The following GRIN2A variants were observed in gnomAD, a reference collection of about 807,000 sequenced individuals.
GRIN2A encodes the protein glutamate receptor ionotropic, NMDA 2A.
A neutral mutation model predicts 113.4 loss-of-function variants in GRIN2A; 22 were observed. That is an observed-to-expected ratio of 0.19 (90% CI 0.14 to 0.28). GRIN2A has a LOEUF of 0.28. Ranked by LOEUF, GRIN2A falls within the 10% of genes least tolerant of loss-of-function variation. GRIN2A has a pLI of 1.00. For missense variants in GRIN2A, 1,502 were observed against 1,887.0 expected (o/e 0.80, Z 3.78); for synonymous variants, 827 against 738.4 (o/e 1.12, Z -1.94).
intron 7 of GRIN2A, among the ~76,000 whole-genome samples, chr16:9,835,945 A>T (rs1223773630): frequency 6.6e-6 from 1 of 152,258 alleles, no homozygotes; most frequent in African/African-American, 2.4e-5. Flanking sequence ...CAACTTACTT[A>T]AGTAACACAA....
intron 2 of GRIN2A, among the ~76,000 whole-genome samples, chr16:10,027,116 C>G (rs2046837117): frequency 1.3e-5 from 2 of 152,206 alleles, no homozygotes; most frequent in South Asian, 4.1e-4. Flanking sequence ...GGTTTGTTGA[C>G]TGCTGTATCT....
intron 3 of GRIN2A, among the ~76,000 whole-genome samples, chr16:9,910,628 C>T (rs1400107647): frequency 6.7e-6 from 1 of 149,676 alleles, no homozygotes; most frequent in Admixed American, 6.7e-5. Context: ...ACCTCTGCCT[C>T]CCAGGTTTAA....
At chr16:9,862,494 C>T (rs2043088225) in intron 4 of GRIN2A, among the ~76,000 whole-genome samples, 1 of 152,136 alleles carries the variant, frequency 6.6e-6, no homozygotes, top group Non-Finnish European at 1.5e-5. Flanking sequence ...GAGGCTCAGC[C>T]AACAGGGGAA....
intron 2 of GRIN2A, among the ~76,000 whole-genome samples, chr16:10,140,660 T>C (rs1340250293): frequency 6.6e-6 from 1 of 152,158 alleles, no homozygotes; most frequent in African/African-American, 2.4e-5. Flanking sequence ...GATATGCACA[T>C]GACCAGCCTG....
chr16:10,136,583 C>T (rs1243980676), intron 2 of GRIN2A, among the ~76,000 whole-genome samples: 1 of 152,100 alleles, frequency 6.6e-6, no homozygotes, highest in African/African-American at 2.4e-5. Flanking sequence ...AAAAAGAAAT[C>T]ATTGCAATAT....
intron 4 of GRIN2A, among the ~76,000 whole-genome samples, chr16:9,863,803 C>T (rs2043113787): frequency 6.6e-6 from 1 of 152,180 alleles, no homozygotes; most frequent in Non-Finnish European, 1.5e-5. Context: ...CAACACAACA[C>T]AATTCTGTTT....
Position 9,946,815 on chromosome 16 carries a change from C to A in GRIN2A, c.415-8264G>T, listed in dbSNP as rs112989278. On this transcript the variant is annotated intron_variant, in intron 2 of 12. Coordinates refer to ENST00000330684, the MANE Select transcript of GRIN2A (RefSeq NM_001134407.3). Reference sequence around the variant, plus strand: ...CTGGCAGCCACCCAACCACTATATACCATCCTAAGAAGAAAGCTATCAGAC... The same window carrying A: ...CTGGCAGCCACCCAACCACTATATAACATCCTAAGAAGAAAGCTATCAGAC... Among the ~76,000 whole-genome samples, 604 of 152,264 alleles carry A rather than the reference C, an allele frequency of 4.0e-3. 5 individuals are homozygous for A. Among genetic ancestry groups the A allele is most frequent in the African/African-American group, 0.013 (540 of 41,572 alleles).
At chr16:9,772,922 CAAAAA>C (rs71400490) in intron 11 of GRIN2A, among the ~76,000 whole-genome samples, 25 of 104,982 alleles carry the variant, frequency 2.4e-4, no homozygotes, top group Admixed American at 2.2e-3. Flanking sequence ...ACTTCAATTT[CAAAAA>C]AAAAAAAAAA....
chr16:9,937,624 T>C, intron 3 of GRIN2A: 3 of 354,104 alleles, frequency 8.5e-6, no homozygotes, highest in Non-Finnish European at 1.6e-5. Flanking sequence ...GTTAGACTTA[T>C]CTGGGTTCAA....
intron 2 of GRIN2A, among the ~76,000 whole-genome samples, chr16:10,113,479 C>T (rs1008513634): frequency 4.6e-5 from 7 of 152,320 alleles, no homozygotes; most frequent in Admixed American, 3.9e-4. Context: ...GACTCACCAC[C>T]GTCCCCATAT....
chr16:9,880,242 T>C (rs966171606), intron 4 of GRIN2A, among the ~76,000 whole-genome samples: 3 of 152,210 alleles, frequency 2.0e-5, no homozygotes, highest in Non-Finnish European at 2.9e-5. Flanking sequence ...AGCTAGGGAC[T>C]GACAGTGCCT....
At chr16:9,916,948 T>G (rs1458430987) in intron 3 of GRIN2A, among the ~76,000 whole-genome samples, 1 of 152,172 alleles carries the variant, frequency 6.6e-6, no homozygotes, top group Non-Finnish European at 1.5e-5. Context: ...TTTGCAGAGG[T>G]AGCGTTGCCT....
chr16:10,026,531 C>G (rs1251192518), intron 2 of GRIN2A, among the ~76,000 whole-genome samples: 3 of 140,338 alleles, frequency 2.1e-5, no homozygotes, highest in African/African-American at 8.8e-5. Context: ...ATTTAAACTT[C>G]ATATCACTTC....
chr16:10,179,063 A>G (rs1264279844), intron 2 of GRIN2A, among the ~76,000 whole-genome samples: 1 of 151,812 alleles, frequency 6.6e-6, no homozygotes, highest in Non-Finnish European at 1.5e-5. Flanking sequence ...CTTCTGTGTA[A>G]TTCCCAAACC....
Position 9,789,842 on chromosome 16 carries a change from T to A in GRIN2A, c.2356+8435A>T, listed in dbSNP as rs535395485. Among the ~76,000 whole-genome samples the A allele has an allele frequency of 2.0e-5, 3 of 152,354 alleles. No homozygotes were observed. In the South Asian group the frequency reaches 6.2e-4, roughly 32 times the overall value. On this transcript the variant is annotated intron_variant, in intron 11 of 12. Coordinates refer to ENST00000330684, the MANE Select transcript of GRIN2A (RefSeq NM_001134407.3). Reference sequence around the variant, plus strand: ...CAAGGGTGGAGCAACGCAGCTTTATTTCACAAGCCCCTCCTTGGGGAAGGC... The same window carrying A: ...CAAGGGTGGAGCAACGCAGCTTTATATCACAAGCCCCTCCTTGGGGAAGGC...
rs553614729 is a variant in GRIN2A at position 10,071,908 on chromosome 16, A to T, written c.414+108090T>A. Among the ~76,000 whole-genome samples, 3 of 152,316 alleles carry T rather than the reference A, an allele frequency of 2.0e-5. No homozygotes were observed. In the South Asian group the frequency reaches 6.2e-4, roughly 32 times the overall value. ...CAGTACTTTTGTTTATCTCCATTTCACAGAGAAGGAAATGGAGGCACAGAA... is the reference window on the plus strand; with the variant it reads ...CAGTACTTTTGTTTATCTCCATTTCTCAGAGAAGGAAATGGAGGCACAGAA... On this transcript the variant is annotated intron_variant, in intron 2 of 12. Transcript: ENST00000330684.
chr16:9,897,860 T>C (rs1054778588), intron 3 of GRIN2A, among the ~76,000 whole-genome samples: 2 of 152,160 alleles, frequency 1.3e-5, no homozygotes, highest in African/African-American at 4.8e-5. Flanking sequence ...CCTTGCTTAG[T>C]ATTATATTTC....
chr16:9,840,833 A>G, intron 6 of GRIN2A, 33 bp from the exon 7 acceptor site: 1 of 1,080,302 alleles, frequency 9.3e-7, no homozygotes, highest in Non-Finnish European at 1.2e-6. Context: ...AAAAAAAAAA[A>G]GAGAGAGAGA....
At chr16:9,789,444 T>C (rs533099444) in intron 11 of GRIN2A, among the ~76,000 whole-genome samples, 8 of 152,230 alleles carry the variant, frequency 5.3e-5, no homozygotes, top group Admixed American at 3.9e-4. Context: ...GGAAGAACCA[T>C]GAGTTCTGAC....
Sources: allele counts gnomAD v4.1 joint callset (sites outside exome capture counted in the v4.1 genomes callset), GRCh38; gene constraint gnomAD v4.1.1; transcripts MANE v1.5; gene names NCBI Gene and HGNC (gene_info 2026-07-23, HGNC 2026-07-21).